The following BMPR1B variants were observed in gnomAD, a reference collection of about 807,000 sequenced individuals.
BMPR1B encodes the protein bone morphogenetic protein receptor type 1B, also known as bone morphogenetic protein receptor type-1B.
A neutral mutation model predicts 59.1 loss-of-function variants in BMPR1B; 12 were observed. That is an observed-to-expected ratio of 0.20 (90% CI 0.13 to 0.33). BMPR1B has a LOEUF of 0.33. BMPR1B is among the 10% of genes least tolerant of loss of function. The probability of loss-of-function intolerance (pLI) is 1.00; values close to 1 mark genes in which losing one functional copy is unlikely to be tolerated. For missense variants in BMPR1B, 550 were observed against 610.9 expected (o/e 0.90, Z 1.05); for synonymous variants, 237 against 207.3 (o/e 1.14, Z -1.23).
At chr4:95,096,039 G>T (rs1730348690) in intron 3 of BMPR1B, among the ~76,000 whole-genome samples, 1 of 44,276 alleles carries the variant, frequency 2.3e-5, no homozygotes, top group Admixed American at 2.8e-4. Context: ...TTTTACTTTT[G>T]TTCTGCATTT....
intron 8 of BMPR1B, among the ~76,000 whole-genome samples, chr4:95,125,458 A>G (rs1176780338): frequency 2.0e-5 from 3 of 152,284 alleles, no homozygotes; most frequent in South Asian, 4.1e-4. Flanking sequence ...AGGCTAAAGT[A>G]TTACAACCAA....
chr4:94,910,916 C>T (rs569190544), intron 2 of BMPR1B, among the ~76,000 whole-genome samples: 1 of 151,924 alleles, frequency 6.6e-6, no homozygotes, highest in South Asian at 2.1e-4. Context: ...TGTCTTTTCC[C>T]ACTCCCCCCA....
chr4:94,979,830 C>T (rs965395712), intron 2 of BMPR1B, among the ~76,000 whole-genome samples: 4 of 152,196 alleles, frequency 2.6e-5, no homozygotes, highest in Non-Finnish European at 5.9e-5. Context: ...ATGTGGGCCA[C>T]GTGTGCTTTG....
intron 1 of BMPR1B, among the ~76,000 whole-genome samples, chr4:94,831,298 TG>T (rs1724579172): frequency 2.0e-5 from 3 of 152,066 alleles, no homozygotes. Context: ...AAAATATTTT[TG>T]TATAGCTGTA....
intron 3 of BMPR1B, among the ~76,000 whole-genome samples, chr4:95,097,811 C>A (rs1730540167): frequency 6.6e-6 from 1 of 152,178 alleles, no homozygotes; most frequent in African/African-American, 2.4e-5. Context: ...GCTGGGATTA[C>A]AAGTGTAAGC....
Position 95,156,844 on chromosome 4 carries a change from C to G in BMPR1B, c.*2171C>G, listed in dbSNP as rs748788086. The G allele has an allele frequency of 2.6e-5, 4 of 152,128 alleles. No homozygotes were observed. Among genetic ancestry groups the G allele is most frequent in the Non-Finnish European group, 4.4e-5 (3 of 67,992 alleles). 9.4% of individuals were successfully genotyped at this position (152,128 alleles called of 1,614,324 possible). A position where few individuals can be genotyped will look rare whatever the true frequency, so the allele number is the denominator to read the frequency against. ...ATGGTTAGAACTAAGTGTGACTAATCATCTGAGCCTTGAAGAGAAACTTCA... is the reference window on the plus strand; with the variant it reads ...ATGGTTAGAACTAAGTGTGACTAATGATCTGAGCCTTGAAGAGAAACTTCA... On this transcript the variant is annotated 3_prime_UTR_variant, in exon 13 of 13. Coordinates refer to ENST00000515059, the MANE Select transcript of BMPR1B (RefSeq NM_001203.3).
intron 3 of BMPR1B, among the ~76,000 whole-genome samples, chr4:95,004,863 T>C (rs561240676): frequency 9.6e-4 from 146 of 152,212 alleles, no homozygotes; most frequent in Admixed American, 1.7e-3. Context: ...GTTCTTTGAA[T>C]GTGTAGAGTT....
chr4:95,129,845 G>A lies in BMPR1B; in HGVS notation c.586-17G>A, dbSNP rs1733187028. On this transcript the variant is annotated splice_polypyrimidine_tract_variant and intron_variant, in intron 8 of 12. Coordinates refer to ENST00000515059, the MANE Select transcript of BMPR1B (RefSeq NM_001203.3). ...AGCGCTGTGAATACACTAACAGTGT[G>A]TTTTGGGATTTCACAGGTCCAAAGG... The A allele has an allele frequency of 6.2e-7, 1 of 1,612,360 alleles. No individual in the cohort carries two copies. The highest frequency in any genetic ancestry group is 8.5e-7 in the Non-Finnish European group (1 of 1,178,580).
chr4:94,975,363 GTTT>G (rs763655134), intron 2 of BMPR1B, among the ~76,000 whole-genome samples: 2 of 111,642 alleles, frequency 1.8e-5, no homozygotes, highest in African/African-American at 3.3e-5. Context: ...TTTTGTTTTT[GTTT>G]TTTTTTTTTT....
intron 3 of BMPR1B, among the ~76,000 whole-genome samples, chr4:95,047,913 G>T (rs1726163609): frequency 1.3e-5 from 2 of 152,224 alleles, no homozygotes; most frequent in Middle Eastern, 3.4e-3. Context: ...AGTGAGCATA[G>T]TACCCAGTAG....
chr4:95,138,065 T>C (rs533185377), intron 10 of BMPR1B, among the ~76,000 whole-genome samples: 1 of 152,352 alleles, frequency 6.6e-6, no homozygotes, highest in Non-Finnish European at 1.5e-5. Flanking sequence ...TTTCTATGTT[T>C]AGTGCTTCCT....
intron 4 of BMPR1B, among the ~76,000 whole-genome samples, chr4:95,107,508 T>C (rs1731274261): frequency 3.3e-5 from 5 of 151,988 alleles, no homozygotes; most frequent in African/African-American, 4.8e-5. Flanking sequence ...AACATAGATA[T>C]ACCATTGCCG....
chr4:95,148,298 T>G (rs903682255), intron 10 of BMPR1B, among the ~76,000 whole-genome samples: 5 of 152,116 alleles, frequency 3.3e-5, no homozygotes, highest in Admixed American at 2.0e-4. Context: ...AGGAAGAGGG[T>G]TTTTTTAGAT....
At chr4:94,849,070 A>G (rs1725463593) in intron 1 of BMPR1B, among the ~76,000 whole-genome samples, 1 of 152,212 alleles carries the variant, frequency 6.6e-6, no homozygotes. Flanking sequence ...GTTAGTATAT[A>G]GGTTTTACCT....
rs929976202 is a variant in BMPR1B at position 94,787,768 on chromosome 4, A to G, written c.-183+29700A>G. 2.0e-5 allele frequency among the ~76,000 whole-genome samples: 3 copies of G among 149,838 alleles called. No homozygotes were observed. The Admixed American group carries it at 2.0e-4, about 10-fold the overall frequency. ...GCTCTAGGCGAGAACTTAGATGGGT[A>G]GAAAGAAAAGATATTTTTTCTTTCT... On this transcript the variant is annotated intron_variant, in intron 1 of 12. Coordinates refer to ENST00000515059, the MANE Select transcript of BMPR1B (RefSeq NM_001203.3).
At chr4:94,892,980 G>A (rs1014270082) in intron 2 of BMPR1B, among the ~76,000 whole-genome samples, 11 of 151,884 alleles carry the variant, frequency 7.2e-5, no homozygotes, top group African/African-American at 2.7e-4. Context: ...AGTCCTGCAG[G>A]GTTTTCATGA....
chr4:94,894,010 C>T (rs1298956294), intron 2 of BMPR1B, among the ~76,000 whole-genome samples: 1 of 151,930 alleles, frequency 6.6e-6, no homozygotes, highest in Non-Finnish European at 1.5e-5. Flanking sequence ...ATGTTGCTCT[C>T]GTATTTCACT....
At chr4:94,995,613 A>C (rs564450055) in intron 2 of BMPR1B, among the ~76,000 whole-genome samples, 1 of 152,256 alleles carries the variant, frequency 6.6e-6, no homozygotes, top group Admixed American at 6.5e-5. Flanking sequence ...CTTTGACTCC[A>C]CCTAGCCCCA....
At chr4:95,025,878 A>G (rs1194038279) in intron 3 of BMPR1B, among the ~76,000 whole-genome samples, 4 of 152,202 alleles carry the variant, frequency 2.6e-5, no homozygotes. Flanking sequence ...TTGTGCTATG[A>G]CTTGATACAA....
Sources: gnomAD v4.1 joint callset for allele counts (sites outside exome capture counted in the v4.1 genomes callset) on GRCh38, gnomAD v4.1.1 for gene constraint, MANE v1.5 for transcripts, NCBI Gene and HGNC (gene_info 2026-07-23, HGNC 2026-07-21) for gene names.